Variants in EYS observed in about 807,000 individuals in gnomAD.
The protein encoded by EYS is EGF-like photoreceptor maintenance factor.
In EYS, 250 loss-of-function variants were observed where a neutral mutation model predicts 282.1. The ratio of observed to expected loss-of-function variants is 0.89; its 90% CI spans 0.80 to 0.98. EYS has a LOEUF of 0.98. EYS is among the 50% of genes least tolerant of loss of function. The probability of loss-of-function intolerance (pLI) is 0.00; values close to 1 mark genes in which losing one functional copy is unlikely to be tolerated. For missense variants in EYS, 4,016 were observed against 3,709.0 expected (o/e 1.08, Z -2.15); for synonymous variants, 1,355 against 1,282.9 (o/e 1.06, Z -1.20).
chr6:65,634,426 T>C (rs1275010438), intron 2 of EYS, among the ~76,000 whole-genome samples: 3 of 152,320 alleles, frequency 2.0e-5, no homozygotes, highest in African/African-American at 7.2e-5. Context: ...CCACTAAATA[T>C]TGAATCACTT....
At chr6:65,565,244 CAAAAAAAAAAAAAAA>C (rs765596305) in intron 2 of EYS, among the ~76,000 whole-genome samples, 4 of 1,618 alleles carry the variant, frequency 2.5e-3, no homozygotes, top group Admixed American at 0.029. Flanking sequence ...GACTCCGTCT[CAAAAAAAAAAAAAAA>C]AAAAAAAAAA....
At chr6:64,635,117 C>T (rs1048847090) in intron 22 of EYS, among the ~76,000 whole-genome samples, 1 of 152,004 alleles carries the variant, frequency 6.6e-6, no homozygotes, top group Admixed American at 6.6e-5. Context: ...TGATTTGGCT[C>T]TCTGTTTGTC....
intron 35 of EYS, among the ~76,000 whole-genome samples, chr6:63,930,697 T>A (rs1764864079): frequency 6.6e-6 from 1 of 152,176 alleles, no homozygotes; most frequent in South Asian, 2.1e-4. Flanking sequence ...ATTTCCAAAT[T>A]TGATTTTCTT....
chr6:64,019,136 G>A (rs915405898), intron 33 of EYS, among the ~76,000 whole-genome samples: 3 of 152,062 alleles, frequency 2.0e-5, no homozygotes, highest in African/African-American at 4.8e-5. Flanking sequence ...AGGGGAAACG[G>A]TAATGTGAAG....
At chr6:65,049,920 T>C (rs1773216971) in intron 13 of EYS, among the ~76,000 whole-genome samples, 1 of 151,714 alleles carries the variant, frequency 6.6e-6, no homozygotes, top group Non-Finnish European at 1.5e-5. Flanking sequence ...AATATGTTTA[T>C]ACTTATGGTC....
Position 64,839,859 on chromosome 6 carries a change from T to C in EYS, c.2993-17037A>G, listed in dbSNP as rs569396298. Reference sequence around the variant, plus strand: ...TTCCAGCCTTTTCATAAGGCACTAATCCATTCATGAGGGAAGAGCCCTCAT... The same window carrying C: ...TTCCAGCCTTTTCATAAGGCACTAACCCATTCATGAGGGAAGAGCCCTCAT... On this transcript the variant is annotated intron_variant, in intron 19 of 42. Coordinates refer to ENST00000503581, the MANE Select transcript of EYS (RefSeq NM_001142800.2). 3.9e-5 allele frequency among the ~76,000 whole-genome samples: 6 copies of C among 152,084 alleles called. No individual in the cohort carries two copies. In the East Asian group the frequency reaches 1.2e-3, roughly 30 times the overall value.
chr6:64,944,812 G>A (rs929656026), intron 15 of EYS, among the ~76,000 whole-genome samples: 5 of 152,098 alleles, frequency 3.3e-5, no homozygotes, highest in African/African-American at 9.7e-5. Flanking sequence ...GGTGGGAGGC[G>A]AGACATGTTT....
Position 65,222,702 on chromosome 6 carries a change from T to A in EYS, c.2023+73161A>T, listed in dbSNP as rs186180054. Among the ~76,000 whole-genome samples the A allele has an allele frequency of 2.9e-3, 445 of 152,320 alleles. 2 individuals carry two copies. Among genetic ancestry groups the A allele is most frequent in the Non-Finnish European group, 5.3e-3 (360 of 68,028 alleles). ...TGCTAAGGAATATGATATGCATAAT[T>A]GGCCTACTTTGTGAAGTCACAGGAT... On this transcript the variant is annotated intron_variant, in intron 12 of 42. Coordinates refer to ENST00000503581, the MANE Select transcript of EYS (RefSeq NM_001142800.2).
At chr6:64,916,439 G>A (rs1768166499) in intron 15 of EYS, among the ~76,000 whole-genome samples, 1 of 152,174 alleles carries the variant, frequency 6.6e-6, no homozygotes, top group Non-Finnish European at 1.5e-5. Context: ...TAACATGGAT[G>A]TTTTATAGAA....
chr6:64,197,440 C>T (rs966784174), intron 31 of EYS, among the ~76,000 whole-genome samples: 7 of 152,180 alleles, frequency 4.6e-5, no homozygotes, highest in Non-Finnish European at 1.0e-4. Context: ...AGCTCAAGTT[C>T]ACTAGTGAAG....
chr6:64,658,042 C>T (rs939544981), intron 22 of EYS, among the ~76,000 whole-genome samples: 1 of 152,134 alleles, frequency 6.6e-6, no homozygotes, highest in Admixed American at 6.6e-5. Context: ...TTCTGGGAGG[C>T]TTTGTTCACT....
At chr6:64,864,941 C>T (rs761889585) in intron 19 of EYS, among the ~76,000 whole-genome samples, 2 of 151,696 alleles carry the variant, frequency 1.3e-5, no homozygotes, top group Non-Finnish European at 1.5e-5. Context: ...GAGGCTGAGG[C>T]GAATTGCTTG....
intron 26 of EYS, among the ~76,000 whole-genome samples, chr6:64,559,157 T>G (rs1191990300): frequency 6.6e-6 from 1 of 152,166 alleles, no homozygotes; most frequent in Admixed American, 6.6e-5. Flanking sequence ...AAAAAATAAA[T>G]GTAATAACAT....
At chr6:64,650,962 A>C (rs1768535195) in intron 22 of EYS, among the ~76,000 whole-genome samples, 1 of 152,078 alleles carries the variant, frequency 6.6e-6, no homozygotes, top group African/African-American at 2.4e-5. Flanking sequence ...GACTAATAGA[A>C]GAATAAATAC....
chr6:64,462,084 G>A (rs1002075043), intron 26 of EYS, among the ~76,000 whole-genome samples: 29 of 152,210 alleles, frequency 1.9e-4, no homozygotes, highest in African/African-American at 6.5e-4. Flanking sequence ...AAATGTGTTT[G>A]TTAATTATTA....
chr6:64,458,007 T>A (rs1197979509), intron 26 of EYS, among the ~76,000 whole-genome samples: 1 of 152,044 alleles, frequency 6.6e-6, no homozygotes, highest in Non-Finnish European at 1.5e-5. Context: ...TTTGTAGTTA[T>A]AATAGATTAT....
In EYS at chr6:65,670,825, G is replaced by A. The variant is rs79759497; in HGVS notation, c.-447-30933C>T. Among the ~76,000 whole-genome samples the A allele has an allele frequency of 2.2e-3, 326 of 151,490 alleles. 1 individual carries two copies. The highest frequency in any genetic ancestry group is 3.8e-3 in the Non-Finnish European group (256 of 67,848). On this transcript the variant is annotated intron_variant, in intron 1 of 42. Transcript: ENST00000503581. ...AAAACATTTATTTAACATAAAAAGA[G>A]CAAGTTAATTACAATCCTTGTTTCC...
intron 31 of EYS, among the ~76,000 whole-genome samples, chr6:64,185,140 C>G (rs1764895301): frequency 6.6e-6 from 1 of 152,012 alleles, no homozygotes; most frequent in African/African-American, 2.4e-5. Context: ...CAGTACCTTG[C>G]TCTTGAACTT....
intron 12 of EYS, among the ~76,000 whole-genome samples, chr6:65,215,903 C>T (rs768260988): frequency 3.3e-5 from 5 of 152,152 alleles, no homozygotes; most frequent in Non-Finnish European, 5.9e-5. Context: ...TTAAGCTATA[C>T]ATACTGTTTT....
Sources: gnomAD v4.1 joint callset for allele counts (sites outside exome capture counted in the v4.1 genomes callset) on GRCh38, gnomAD v4.1.1 for gene constraint, MANE v1.5 for transcripts, NCBI Gene and HGNC (gene_info 2026-07-23, HGNC 2026-07-21) for gene names.